Variants in PDE1A observed in about 807,000 individuals in gnomAD.
PDE1A encodes phosphodiesterase 1A.
Under a neutral mutation model 61.7 loss-of-function variants are expected in PDE1A, and 35 were observed. That is an observed-to-expected ratio of 0.57 (90% CI 0.43 to 0.75). PDE1A has a LOEUF of 0.75. Ranked by LOEUF, PDE1A falls within the 30% of genes least tolerant of loss-of-function variation. PDE1A has a pLI of 0.00. For synonymous variants in PDE1A, 232 were observed against 213.2 expected, an observed-to-expected ratio of 1.09 and a Z score of -0.77; for missense variants, 597 against 630.6, an observed-to-expected ratio of 0.95 and a Z score of 0.57.
intron 1 of PDE1A, among the ~76,000 whole-genome samples, chr2:182,369,922 C>G (rs888212440): frequency 6.6e-6 from 1 of 152,140 alleles, no homozygotes; most frequent in African/African-American, 2.4e-5. Flanking sequence ...CGCCTGTAAT[C>G]CCAGCACTTT....
intron 1 of PDE1A, among the ~76,000 whole-genome samples, chr2:182,287,901 T>C (rs972202562): frequency 1.3e-4 from 20 of 152,148 alleles, no homozygotes; most frequent in Non-Finnish European, 1.5e-5. Flanking sequence ...ACCACTTAAT[T>C]TTTCAGCCTG....
At chr2:182,389,085 CA>C (rs1443137173) in intron 1 of PDE1A, among the ~76,000 whole-genome samples, 21 of 152,018 alleles carry the variant, frequency 1.4e-4, no homozygotes, top group Non-Finnish European at 5.9e-5. Context: ...CTTTAGTTCT[CA>C]AAATAAGTTC....
chr2:182,274,600 GAATT>G (rs1693269431), intron 1 of PDE1A, among the ~76,000 whole-genome samples: 1 of 152,046 alleles, frequency 6.6e-6, no homozygotes, highest in African/African-American at 2.4e-5. Flanking sequence ...GAGTCCAAAA[GAATT>G]GATTGAGAAG....
At chr2:182,659,400 T>C in the PDE1A span, among the ~76,000 whole-genome samples, 2 of 152,204 alleles carry the variant, frequency 1.3e-5, no homozygotes, top group South Asian at 2.1e-4. Flanking sequence ...ACAAGAATCA[T>C]ATGCCAAACA....
chr2:182,466,676 A>C (rs1285764880), intron 2 of PDE1A, among the ~76,000 whole-genome samples: 2 of 151,956 alleles, frequency 1.3e-5, no homozygotes, highest in South Asian at 2.1e-4. Flanking sequence ...AAACAGTAAG[A>C]TCTTCAAAGA....
chr2:182,237,174 G>T (rs1237130779), intron 3 of PDE1A, among the ~76,000 whole-genome samples: 3 of 152,136 alleles, frequency 2.0e-5, no homozygotes, highest in Non-Finnish European at 2.9e-5. Flanking sequence ...ATAGTTACAA[G>T]ATATAATTCA....
chr2:182,373,663 A>C (rs913941508), intron 1 of PDE1A, among the ~76,000 whole-genome samples: 1 of 152,234 alleles, frequency 6.6e-6, no homozygotes, highest in Non-Finnish European at 1.5e-5. Flanking sequence ...TCACTTGAGA[A>C]ACAGAAGTAA....
chr2:182,674,909 G>A, the PDE1A span, among the ~76,000 whole-genome samples: 1 of 151,804 alleles, frequency 6.6e-6, no homozygotes, highest in Non-Finnish European at 1.5e-5. Flanking sequence ...GATTTAATGG[G>A]CCATTTGATT....
the PDE1A span, among the ~76,000 whole-genome samples, chr2:182,691,033 C>T: frequency 2.0e-5 from 3 of 152,088 alleles, no homozygotes; most frequent in African/African-American, 4.8e-5. Flanking sequence ...TAAAAGAGGA[C>T]ACAAACAAAT....
the PDE1A span, among the ~76,000 whole-genome samples, chr2:182,567,272 C>T: frequency 2.6e-5 from 4 of 152,114 alleles, no homozygotes; most frequent in East Asian, 1.9e-4. Flanking sequence ...TGTGAAACTT[C>T]GTTTTCCTGG....
the PDE1A span, among the ~76,000 whole-genome samples, chr2:182,551,999 G>T: frequency 6.6e-6 from 1 of 152,160 alleles, no homozygotes; most frequent in Non-Finnish European, 1.5e-5. Flanking sequence ...GGGGTGTGTG[G>T]TCTTGATCTA....
chr2:182,270,530 T>A (rs1692940478), intron 1 of PDE1A, among the ~76,000 whole-genome samples: 1 of 151,836 alleles, frequency 6.6e-6, no homozygotes, highest in South Asian at 2.1e-4. Flanking sequence ...AGGATATCCC[T>A]CATGTGACAG....
chr2:182,210,901 A>G (rs753982040), intron 7 of PDE1A, among the ~76,000 whole-genome samples: 46 of 14,732 alleles, frequency 3.1e-3, no homozygotes, highest in Non-Finnish European at 4.3e-3. Flanking sequence ...GTAATTTATC[A>G]AAAAAAAAAA....
chr2:182,159,713 G>T (rs1215601257), intron 13 of PDE1A, among the ~76,000 whole-genome samples: 1 of 152,146 alleles, frequency 6.6e-6, no homozygotes, highest in Non-Finnish European at 1.5e-5. Context: ...CTTGCACTTT[G>T]GGAGGCTGAG....
the PDE1A span, among the ~76,000 whole-genome samples, chr2:182,706,232 C>CTT: frequency 1.8e-4 from 27 of 152,298 alleles, no homozygotes; most frequent in East Asian, 5.2e-3. Context: ...CTATTCCCTC[C>CTT]TTTAGGGACA....
intron 1 of PDE1A, among the ~76,000 whole-genome samples, chr2:182,411,751 G>A (rs1299122053): frequency 6.6e-6 from 1 of 152,114 alleles, no homozygotes; most frequent in Non-Finnish European, 1.5e-5. Flanking sequence ...GTAGAGACCA[G>A]TGATGTTGCT....
the PDE1A span, among the ~76,000 whole-genome samples, chr2:182,678,370 C>G: frequency 6.6e-6 from 1 of 152,112 alleles, no homozygotes; most frequent in Admixed American, 6.5e-5. Flanking sequence ...TTGCAGTGAG[C>G]CGATATCATG....
intron 1 of PDE1A, among the ~76,000 whole-genome samples, chr2:182,385,143 C>A (rs1428238159): frequency 2.0e-5 from 3 of 152,128 alleles, no homozygotes; most frequent in African/African-American, 7.2e-5. Flanking sequence ...CTCCACCAGG[C>A]CTGTCTTACA....
intron 1 of PDE1A, among the ~76,000 whole-genome samples, chr2:182,382,077 C>G (rs1312421444): frequency 6.6e-6 from 1 of 151,938 alleles, no homozygotes; most frequent in African/African-American, 2.4e-5. Context: ...AGGAATGACC[C>G]CCCAATAACC....
Sources: allele counts gnomAD v4.1 joint callset (sites outside exome capture counted in the v4.1 genomes callset), GRCh38; gene constraint gnomAD v4.1.1; transcripts MANE v1.5; gene names NCBI Gene and HGNC (gene_info 2026-07-23, HGNC 2026-07-21).